OR2AG1: variants seen among roughly 807,000 people sequenced by gnomAD.
OR2AG1 encodes olfactory receptor family 2 subfamily AG member 1, also known as olfactory receptor 2AG1.
For synonymous variants in OR2AG1, 157 were observed against 155.6 expected (o/e 1.01, Z -0.07); for missense variants, 391 against 385.9 (o/e 1.01, Z -0.11).
rs1847611833 is a variant in OR2AG1, at chr11:6,785,273, C to T, written c.236C>T (p.Pro79Leu). 2 of 1,614,042 alleles carry T rather than the reference C, an allele frequency of 1.2e-6. No individual in the cohort carries two copies. The highest frequency in any genetic ancestry group is 1.3e-5 in the African/African-American group (1 of 74,916). ...MDLLFTSVVT[P>L]KALADFLRRE... Reference sequence around the variant, plus strand: ...CTCCTGTTCACATCTGTTGTCACTCCCAAGGCCCTTGCGGACTTTCTGCGC... The same window carrying T: ...CTCCTGTTCACATCTGTTGTCACTCTCAAGGCCCTTGCGGACTTTCTGCGC... Residue 79 changes from proline (P) to leucine (L), a missense_variant, in exon 2 of 2, where the codon CCC becomes CTC. Pro to Leu is a moderately conservative substitution (Grantham distance 98). Transcript: ENST00000641258.
intron 1 of OR2AG1, among the ~76,000 whole-genome samples, chr11:6,784,038 C>T (rs1481744687): frequency 6.6e-6 from 1 of 152,170 alleles, no homozygotes; most frequent in Non-Finnish European, 1.5e-5. Flanking sequence ...GGCCCTTGTC[C>T]TTCTCCTTGG....
rs1847608889 is a variant in OR2AG1 at position 6,785,085 on chromosome 11, GA to G, written c.49del (p.Ile17PhefsTer2). 1 of 1,613,230 alleles carries G rather than the reference GA, an allele frequency of 6.2e-7. No homozygotes were observed. Among genetic ancestry groups the G allele is most frequent in the Non-Finnish European group, 8.5e-7 (1 of 1,179,602 alleles). Reference protein sequence around the residue: ...TLGSGFILVGILNDSGSPELL... With the variant: ...TLGSGFILVGXLNDSGSPELL... ...TGGGAAGTGGCTTCATTTTGGTGGG[GA>G]TTCTGAATGACAGTGGGTCTCCTGA... is the stretch of plus-strand genomic sequence containing the variant. On this transcript the variant is annotated frameshift_variant, in exon 2 of 2. Transcript: ENST00000641258. LOFTEE classifies it low-confidence loss of function (END_TRUNC).
Position 6,785,413 on chromosome 11 carries a change from A to G in OR2AG1, c.376A>G (p.Ile126Val). Residue 126 changes from isoleucine to valine, a missense_variant, in exon 2 of 2, where the codon ATT (isoleucine) becomes GTT (valine). Transcript: ENST00000641258. ...AFMAYDRYVA[I>V]CHPLTYMTLM... is the part of the protein sequence containing the mutation. ...CATGGCCTATGACAGGTATGTGGCC[A>G]TTTGTCATCCTCTGACATACATGAC... 1 of 1,614,134 alleles carries G rather than the reference A, an allele frequency of 6.2e-7. No homozygotes were observed.
rs976815402 is a variant in OR2AG1, at chr11:6,787,438, G to A, written c.*1450G>A. On this transcript the variant is annotated 3_prime_UTR_variant, in exon 2 of 2. Transcript: ENST00000641258. ...TGACATTAACAATAAGACCTACTTTGTAGTGTTGTGAGGATGAAACAAGTT... is the reference window on the plus strand; with the variant it reads ...TGACATTAACAATAAGACCTACTTTATAGTGTTGTGAGGATGAAACAAGTT... The A allele has an allele frequency of 2.6e-5, 4 of 152,100 alleles. No individual in the cohort carries two copies. Among genetic ancestry groups the A allele is most frequent in the Admixed American group, 2.0e-4 (3 of 15,272 alleles). The allele number at this position is 152,100 out of a possible 1,614,324, so 9.4% of individuals were successfully genotyped here.
Position 6,785,440 on chromosome 11 carries a change from C to T in OR2AG1, c.403C>T (p.Leu135Phe). ...AICHPLTYMT[L>F]MSSRACWLMV... ...TTGTCATCCTCTGACATACATGACC[C>T]TCATGAGCTCAAGAGCCTGCTGGCT... Residue 135 changes from leucine (L) to phenylalanine (F), a missense_variant, in exon 2 of 2, where the codon CTC (leucine) becomes TTC (phenylalanine). Leu to Phe is a conservative substitution (Grantham distance 22, BLOSUM62 0). Coordinates refer to ENST00000641258, the MANE Select transcript of OR2AG1 (RefSeq NM_001004489.3). 6.2e-7 allele frequency: 1 copy of T among 1,614,140 alleles called. No homozygotes were observed. Among genetic ancestry groups the T allele is most frequent in the Non-Finnish European group, 8.5e-7 (1 of 1,180,020 alleles).
Position 6,785,187 on chromosome 11 carries a change from C to G in OR2AG1, c.150C>G (p.Thr50=). ...ATGGCCTACTGCTCCTGGCTATCAC[C>G]ATGGAAGCCCGGCTCCACATGCCCA... ...ISNGLLLLAI[T]MEARLHMPMY... is the part of the protein sequence containing the mutation. The change falls in exon 2 of 2, where the codon ACC becomes ACG. Residue 50 remains threonine, a synonymous_variant. Coordinates refer to ENST00000641258, the MANE Select transcript of OR2AG1 (RefSeq NM_001004489.3). 1 of 1,614,182 alleles carries G rather than the reference C, an allele frequency of 6.2e-7. No individual in the cohort carries two copies. The highest frequency in any genetic ancestry group is 1.7e-5 in the Admixed American group (1 of 60,030).
Position 6,786,431 on chromosome 11 carries a change from A to C in OR2AG1, c.*443A>C, listed in dbSNP as rs1847628877. The C allele has an allele frequency of 6.4e-6, 1 of 155,712 alleles. No individual in the cohort carries two copies. The highest frequency in any genetic ancestry group is 1.4e-5 in the Non-Finnish European group (1 of 70,460). 9.6% of individuals were successfully genotyped at this position (155,712 alleles called of 1,614,324 possible). A position where few individuals can be genotyped will look rare whatever the true frequency, so the allele number is the denominator to read the frequency against. On this transcript the variant is annotated 3_prime_UTR_variant, in exon 2 of 2. Coordinates refer to ENST00000641258, the MANE Select transcript of OR2AG1 (RefSeq NM_001004489.3). ...GACCAACTGACCTTATTAAAAGGTT[A>C]TATAGACTTCTTGTCTAATGCCCCA...
chr11:6,785,112 A>G lies in OR2AG1; in HGVS notation c.75A>G (p.Glu25=). Residue 25 remains glutamate (E), a synonymous_variant, in exon 2 of 2, where the codon GAA becomes GAG. Transcript: ENST00000641258. ...VGILNDSGSP[E]LLCATITILY... ...TTCTGAATGACAGTGGGTCTCCTGA[A>G]CTGCTCTGTGCTACAATTACAATCC... is the stretch of plus-strand genomic sequence containing the variant. 6.2e-7 allele frequency: 1 copy of G among 1,614,112 alleles called. No homozygotes were observed. The highest frequency in any genetic ancestry group is 8.5e-7 in the Non-Finnish European group (1 of 1,179,982).
rs1177263023 is a variant in OR2AG1 at position 6,790,077 on chromosome 11, A to AG, written c.*4091dup. Reference sequence around the variant, plus strand: ...GAATATTATTTACCCTTAAAAGGGAAGGACACTCTGTCATTTGCAATGAAA... The same window carrying AG: ...GAATATTATTTACCCTTAAAAGGGAAGGGACACTCTGTCATTTGCAATGAAA... On this transcript the variant is annotated 3_prime_UTR_variant, in exon 2 of 2. Coordinates refer to ENST00000641258, the MANE Select transcript of OR2AG1 (RefSeq NM_001004489.3). The AG allele has an allele frequency of 6.6e-6, 1 of 152,256 alleles. No homozygotes were observed. Among genetic ancestry groups the AG allele is most frequent in the Non-Finnish European group, 1.5e-5 (1 of 68,048 alleles). The allele number at this position is 152,256 out of a possible 1,614,324, so 9.4% of individuals were successfully genotyped here. A position where few individuals can be genotyped will look rare whatever the true frequency, so the allele number is the denominator to read the frequency against.
At chr11:6,783,824 T>A (rs1188788268) in intron 1 of OR2AG1, among the ~76,000 whole-genome samples, 2 of 152,350 alleles carry the variant, frequency 1.3e-5, no homozygotes, top group African/African-American at 4.8e-5. Flanking sequence ...GATATGTCCA[T>A]TGCATGTTCT....
rs1276508749 is a variant in OR2AG1, at chr11:6,785,800, G to T, written c.763G>T (p.Ala255Ser). 1.2e-5 allele frequency: 20 copies of T among 1,614,022 alleles called. No homozygotes were observed. Among genetic ancestry groups the T allele is most frequent in the Non-Finnish European group, 1.6e-5 (19 of 1,180,030 alleles). ...TGTGGTTGGGATGTTCTATGGAGCTGCCACATTCATGTATGTCTTGCCCAG... is the reference window on the plus strand; with the variant it reads ...TGTGGTTGGGATGTTCTATGGAGCTTCCACATTCATGTATGTCTTGCCCAG... ...LTVVGMFYGA[A>S]TFMYVLPSSF... is the part of the protein sequence containing the mutation. The change falls in exon 2 of 2, where the codon GCC (alanine) becomes TCC (serine). Residue 255 changes from alanine (A) to serine (S), a missense_variant. Physicochemically the swap from Ala to Ser is moderately conservative, Grantham distance 99. Transcript: ENST00000641258.
chr11:6,786,089 T>C lies in OR2AG1; in HGVS notation c.*101T>C, dbSNP rs925149090. 1 of 851,808 alleles carries C rather than the reference T, an allele frequency of 1.2e-6. No individual in the cohort carries two copies. The highest frequency in any genetic ancestry group is 1.8e-6 in the Non-Finnish European group (1 of 554,520). The allele number at this position is 851,808 out of a possible 1,614,324, so 52.8% of individuals were successfully genotyped here. ...GGTAAAACCAATACAGTGCAGAGTA[T>C]AGCATTTAATAGAAAAGTGAAGGAA... On this transcript the variant is annotated 3_prime_UTR_variant, in exon 2 of 2. Transcript: ENST00000641258.
Position 6,785,115 on chromosome 11 carries a change from G to A in OR2AG1, c.78G>A (p.Leu26=). The A allele has an allele frequency of 6.2e-7, 1 of 1,614,104 alleles. No homozygotes were observed. The highest frequency in any genetic ancestry group is 8.5e-7 in the Non-Finnish European group (1 of 1,179,976). The change falls in exon 2 of 2, where the codon CTG becomes CTA. Residue 26 remains leucine (L), a synonymous_variant. Transcript: ENST00000641258. ...GILNDSGSPE[L]LCATITILYL... ...TGAATGACAGTGGGTCTCCTGAACT[G>A]CTCTGTGCTACAATTACAATCCTAT...
Position 6,787,882 on chromosome 11 carries a change from T to C in OR2AG1, c.*1894T>C, listed in dbSNP as rs575174476. 2 of 152,332 alleles carry C rather than the reference T, an allele frequency of 1.3e-5. No individual in the cohort carries two copies. The highest frequency in any genetic ancestry group is 2.1e-4 in the South Asian group (1 of 4,834). The allele number at this position is 152,332 out of a possible 1,614,324, so 9.4% of individuals were successfully genotyped here. A position where few individuals can be genotyped will look rare whatever the true frequency, so the allele number is the denominator to read the frequency against. On this transcript the variant is annotated 3_prime_UTR_variant, in exon 2 of 2. Coordinates refer to ENST00000641258, the MANE Select transcript of OR2AG1 (RefSeq NM_001004489.3). ...ATTTTGCATTCTTACCAGCAACATA[T>C]AAGTGTACTTAGCCCACTACATATT... is the stretch of plus-strand genomic sequence containing the variant.
intron 1 of OR2AG1, among the ~76,000 whole-genome samples, chr11:6,783,761 A>AT (rs1436582133): frequency 6.6e-6 from 1 of 152,166 alleles, no homozygotes. Flanking sequence ...CCGGTAACGC[A>AT]TTTTTGCATC....
rs1847674356 is a variant in OR2AG1 at position 6,790,184 on chromosome 11, G to A, written c.*4196G>A. 6.6e-6 allele frequency: 1 copy of A among 152,226 alleles called. No homozygotes were observed. Among genetic ancestry groups the A allele is most frequent in the African/African-American group, 2.4e-5 (1 of 41,456 alleles). The allele number at this position is 152,226 out of a possible 1,614,324, so 9.4% of individuals were successfully genotyped here. A position where few individuals can be genotyped will look rare whatever the true frequency, so the allele number is the denominator to read the frequency against. On this transcript the variant is annotated 3_prime_UTR_variant, in exon 2 of 2. Transcript: ENST00000641258. ...ATGCTGTCTAATTTTGCTTAATGCG[G>A]AAGCTAGAAAAGAGTCTAACTCAGT...
At position 6,786,062 on chromosome 11, in the gene OR2AG1, A is replaced by C; in HGVS notation, c.*74A>C. On this transcript the variant is annotated 3_prime_UTR_variant, in exon 2 of 2. Transcript: ENST00000641258. ...GATTCATGTTATGAATCAAATACTAATGGTAAAACCAATACAGTGCAGAGT... is the reference window on the plus strand; with the variant it reads ...GATTCATGTTATGAATCAAATACTACTGGTAAAACCAATACAGTGCAGAGT... 7 of 1,160,624 alleles carry C rather than the reference A, an allele frequency of 6.0e-6. No individual in the cohort carries two copies. Among genetic ancestry groups the C allele is most frequent in the Non-Finnish European group, 8.7e-6 (7 of 804,122 alleles). 71.9% of individuals were successfully genotyped at this position (1,160,624 alleles called of 1,614,324 possible).
In OR2AG1 at chr11:6,785,223, G is replaced by T. The variant is rs547097110; in HGVS notation, c.186G>T (p.Leu62=). The T allele has an allele frequency of 1.2e-6, 2 of 1,614,116 alleles. No homozygotes were observed. Among genetic ancestry groups the T allele is most frequent in the Admixed American group, 1.7e-5 (1 of 60,020 alleles). The change falls in exon 2 of 2, where the codon CTG becomes CTT. Residue 62 remains leucine (L), a synonymous_variant. Transcript: ENST00000641258. ...GGCTCCACATGCCCATGTACCTCCT[G>T]CTTGGGCAGCTCTCTCTCATGGACC... is the stretch of plus-strand genomic sequence containing the variant. The part of the protein sequence containing the change: ...EARLHMPMYL[L]LGQLSLMDLL...
chr11:6,787,600 G>A lies in OR2AG1; in HGVS notation c.*1612G>A, dbSNP rs2133029400. On this transcript the variant is annotated 3_prime_UTR_variant, in exon 2 of 2. Coordinates refer to ENST00000641258, the MANE Select transcript of OR2AG1 (RefSeq NM_001004489.3). Reference sequence around the variant, plus strand: ...GTGATGGTATAATGTTACATCATATGGGTGTTTTGTAACATTATTAGCTAT... The same window carrying A: ...GTGATGGTATAATGTTACATCATATAGGTGTTTTGTAACATTATTAGCTAT... The A allele has an allele frequency of 6.7e-6, 1 of 149,128 alleles. No individual in the cohort carries two copies. Among genetic ancestry groups the A allele is most frequent in the South Asian group, 2.1e-4 (1 of 4,716 alleles). The allele number at this position is 149,128 out of a possible 1,614,324, so 9.2% of individuals were successfully genotyped here.
Sources: allele counts gnomAD v4.1 joint callset (sites outside exome capture counted in the v4.1 genomes callset), GRCh38; gene constraint gnomAD v4.1.1; transcripts MANE v1.5; gene names NCBI Gene and HGNC (gene_info 2026-07-23, HGNC 2026-07-21).